Variants in HEATR5A observed in about 807,000 individuals in gnomAD.
HEATR5A encodes the protein HEAT repeat-containing protein 5A.
HEATR5A carries 178 observed loss-of-function variants against 218.8 expected under a neutral mutation model. The ratio of observed to expected loss-of-function variants is 0.81; its 90% CI spans 0.72 to 0.92. The LOEUF (loss-of-function observed/expected upper bound fraction) is 0.92, where lower values mean the gene tolerates loss of function less well. Ranked by LOEUF, HEATR5A falls within the 40% of genes least tolerant of loss-of-function variation. HEATR5A has a pLI of 0.00. For missense variants in HEATR5A, 2,420 were observed against 2,418.9 expected, an observed-to-expected ratio of 1.00 and a Z score of -0.01; for synonymous variants, 864 against 871.6, an observed-to-expected ratio of 0.99 and a Z score of 0.15.
At position 31,318,285 on chromosome 14, in the gene HEATR5A, G is replaced by A. The variant is rs554837687; in HGVS notation, c.3977C>T (p.Ala1326Val). 2 of 1,613,284 alleles carry A rather than the reference G, an allele frequency of 1.2e-6. No homozygotes were observed. Among genetic ancestry groups the A allele is most frequent in the Admixed American group, 3.3e-5 (2 of 60,016 alleles). Residue 1326 changes from alanine to valine, a missense_variant, in exon 26 of 36, where the codon GCA becomes GTA. Coordinates refer to ENST00000543095, the MANE Select transcript of HEATR5A (RefSeq NM_015473.4). ...ILEQYQANVG[A>V]ALRPAFTSET... Reference sequence around the variant, plus strand: ...TGAAGTGAAGGCTGGTCTAAGCGCTGCTCCTACCTGGCAAGAAATTACATG... The same window carrying A: ...TGAAGTGAAGGCTGGTCTAAGCGCTACTCCTACCTGGCAAGAAATTACATG...
chr14:31,344,155 G>T, intron 20 of HEATR5A, 90 bp from the exon 21 acceptor site: 1 of 653,230 alleles, frequency 1.5e-6, no homozygotes. Flanking sequence ...TTTACTTCCA[G>T]TTTAAACATA....
At chr14:31,385,834 TC>T (rs1254959416) in intron 9 of HEATR5A, among the ~76,000 whole-genome samples, 1 of 152,162 alleles carries the variant, frequency 6.6e-6, no homozygotes, top group Non-Finnish European at 1.5e-5. Flanking sequence ...CTCAAGCGAT[TC>T]TCGTGCCTCA....
intron 1 of HEATR5A, among the ~76,000 whole-genome samples, chr14:31,412,059 T>A (rs1233230942): frequency 6.6e-6 from 1 of 152,054 alleles, no homozygotes; most frequent in African/African-American, 2.4e-5. Flanking sequence ...TTTCACCATG[T>A]TGACCAGGCT....
chr14:31,363,715 C>A (rs547196160), intron 14 of HEATR5A, among the ~76,000 whole-genome samples: 7 of 152,102 alleles, frequency 4.6e-5, no homozygotes, highest in African/African-American at 1.4e-4. Flanking sequence ...GCTCAATAGC[C>A]CACACCTATA....
intron 33 of HEATR5A, among the ~76,000 whole-genome samples, chr14:31,301,887 G>C (rs1899394904): frequency 7.5e-6 from 1 of 133,060 alleles, no homozygotes; most frequent in South Asian, 2.4e-4. Flanking sequence ...GCGTGATCTT[G>C]GCTCCCTGAA....
intron 1 of HEATR5A, among the ~76,000 whole-genome samples, chr14:31,415,317 G>A (rs575480200): frequency 1.3e-5 from 2 of 152,252 alleles, no homozygotes; most frequent in East Asian, 1.9e-4. Context: ...GAATAACTCC[G>A]TATTATTCTG....
intron 2 of HEATR5A, 136 bp downstream of exon 2, chr14:31,402,714 T>C: frequency 1.3e-6 from 1 of 767,348 alleles, no homozygotes; most frequent in Non-Finnish European, 2.0e-6. Context: ...AAAAATGTAA[T>C]ATACTTCATT....
chr14:31,389,490 C>T (rs925833696), intron 6 of HEATR5A, among the ~76,000 whole-genome samples: 1 of 152,156 alleles, frequency 6.6e-6, no homozygotes, highest in Non-Finnish European at 1.5e-5. Context: ...AAAACTTTTG[C>T]TATTCCTTCA....
Position 31,333,527 on chromosome 14 carries a change from C to T in HEATR5A, c.3367+3949G>A, listed in dbSNP as rs191636113. Among the ~76,000 whole-genome samples the T allele has an allele frequency of 1.1e-3, 168 of 152,188 alleles. 2 individuals are homozygous for T. The highest frequency in any genetic ancestry group is 5.3e-4 in the Non-Finnish European group (36 of 67,992). On this transcript the variant is annotated intron_variant, in intron 22 of 35. Transcript: ENST00000543095. ...TCGGCCTTCCAAAGTGTTGGGATAA[C>T]AGGCGAGAGCCCAGCCTAAAACAAC...
Position 31,347,840 on chromosome 14 carries a change from AC to A in HEATR5A, c.2775del (p.Arg925SerfsTer3), listed in dbSNP as rs1901072783. The A allele has an allele frequency of 1.3e-6, 2 of 1,598,118 alleles. No individual in the cohort carries two copies. Among genetic ancestry groups the A allele is most frequent in the Non-Finnish European group, 1.7e-6 (2 of 1,171,992 alleles). On this transcript the variant is annotated frameshift_variant, in exon 19 of 36. Coordinates refer to ENST00000543095, the MANE Select transcript of HEATR5A (RefSeq NM_015473.4). LOFTEE classifies it high-confidence loss of function. ...GHSLALGSLH[R>X]YLGGISSSQH... ...TGAGAAGAACTTATTCCTCCTAAAT[AC>A]CTATGTAGGGACCCCAAGGCCAATG... is the stretch of plus-strand genomic sequence containing the variant.
At chr14:31,368,770 C>G (rs996893701) in intron 13 of HEATR5A, among the ~76,000 whole-genome samples, 2 of 151,628 alleles carry the variant, frequency 1.3e-5, no homozygotes, top group African/African-American at 4.9e-5. Context: ...CTATGTTGCT[C>G]AGGCTGGTCT....
In HEATR5A at chr14:31,387,340, A is replaced by G. The variant is rs943649137; in HGVS notation, c.969T>C (p.Ala323=). 1 of 1,613,720 alleles carries G rather than the reference A, an allele frequency of 6.2e-7. No individual in the cohort carries two copies. Among genetic ancestry groups the G allele is most frequent in the African/African-American group, 1.3e-5 (1 of 75,048 alleles). The change falls in exon 8 of 36, where the codon GCT becomes GCC. Residue 323 remains alanine, a synonymous_variant. Transcript: ENST00000543095. Reference sequence around the variant, plus strand: ...AGGCAGCAAAATTTTTCTCTAGCCAAGCTCCTCCTAGTGTTGAAACAAATA... The same window carrying G: ...AGGCAGCAAAATTTTTCTCTAGCCAGGCTCCTCCTAGTGTTGAAACAAATA... ...YVVFVSTLGG[A]WLEKNFAAFF... is the part of the protein sequence containing the mutation.
At chr14:31,402,238 T>A (rs1306784141) in intron 2 of HEATR5A, among the ~76,000 whole-genome samples, 2 of 152,238 alleles carry the variant, frequency 1.3e-5, no homozygotes, top group East Asian at 3.9e-4. Flanking sequence ...CATATAGTAC[T>A]GTGATTATGT....
chr14:31,410,146 G>C lies in HEATR5A; in HGVS notation c.-74-7097C>G, dbSNP rs558445254. Among the ~76,000 whole-genome samples, 3 of 152,270 alleles carry C rather than the reference G, an allele frequency of 2.0e-5. No homozygotes were observed. In the South Asian group the frequency reaches 6.2e-4, roughly 31 times the overall value. ...CAGTAAATGAAACTAATTCCAGAATGTATCAAGTACCTGAAGTGTTGGGAT... is the reference window on the plus strand; with the variant it reads ...CAGTAAATGAAACTAATTCCAGAATCTATCAAGTACCTGAAGTGTTGGGAT... On this transcript the variant is annotated intron_variant, in intron 1 of 35. Coordinates refer to ENST00000543095, the MANE Select transcript of HEATR5A (RefSeq NM_015473.4).
intron 16 of HEATR5A, among the ~76,000 whole-genome samples, chr14:31,351,838 C>G (rs1175942052): frequency 6.6e-6 from 1 of 151,546 alleles, no homozygotes; most frequent in African/African-American, 2.4e-5. Flanking sequence ...TGGTCTTGAA[C>G]TCCTAAGCTC....
rs1391107633 is a variant in HEATR5A, at chr14:31,293,369, G to A, written c.6077C>T (p.Thr2026Ile). 6.2e-7 allele frequency: 1 copy of A among 1,613,632 alleles called. No individual in the cohort carries two copies. The highest frequency in any genetic ancestry group is 1.3e-5 in the African/African-American group (1 of 74,908). The change falls in exon 36 of 36, where the codon ACA becomes ATA. Residue 2026 changes from threonine (T) to isoleucine (I), a missense_variant. Physicochemically the swap from Thr to Ile is moderately conservative, Grantham distance 89. Transcript: ENST00000543095. ...TCCAGGACTCTTAGTATATTTAGAT[G>A]TTGGTATCTTGACTTTGACACTTTC... ...NQESVKVKIP[T>I]SKYTKSPGKN...
At chr14:31,416,609 T>TA (rs199498322) in intron 1 of HEATR5A, among the ~76,000 whole-genome samples, 1,538 of 147,394 alleles carry the variant, frequency 0.01, 24 homozygotes, top group African/African-American at 0.034. Context: ...TTGTTACCAT[T>TA]AAAAAAAAAA....
At chr14:31,321,371 G>T (rs1391831483) in intron 25 of HEATR5A, 128 bp downstream of exon 25, 4 of 604,684 alleles carry the variant, frequency 6.6e-6, no homozygotes, top group Non-Finnish European at 1.1e-5. Flanking sequence ...GAACTCCTGG[G>T]CTCAAAGCTA....
intron 14 of HEATR5A, among the ~76,000 whole-genome samples, chr14:31,363,187 C>T (rs916052777): frequency 1.3e-5 from 2 of 150,368 alleles, no homozygotes; most frequent in African/African-American, 4.9e-5. Flanking sequence ...TTCAGTGAGC[C>T]GAGATCATGC....
Sources: gnomAD v4.1 joint callset for allele counts (sites outside exome capture counted in the v4.1 genomes callset) on GRCh38, gnomAD v4.1.1 for gene constraint, MANE v1.5 for transcripts, NCBI Gene and HGNC (gene_info 2026-07-23, HGNC 2026-07-21) for gene names.